The following ACP3 variants were observed in gnomAD, a reference collection of about 807,000 sequenced individuals.
The protein encoded by ACP3 is acid phosphatase 3.
ACP3 carries 38 observed loss-of-function variants against 45.6 expected under a neutral mutation model. The ratio of observed to expected loss-of-function variants is 0.83; its 90% CI spans 0.64 to 1.09. The LOEUF (loss-of-function observed/expected upper bound fraction) is 1.09, where lower values mean the gene tolerates loss of function less well. Ranked by LOEUF, ACP3 falls within the 50% of genes least tolerant of loss-of-function variation. The pLI is 0.00. For synonymous variants in ACP3, 162 were observed against 164.7 expected (o/e 0.98, Z 0.13); for missense variants, 466 against 463.2 (o/e 1.01, Z -0.05).
chr3:132,337,421 T>C (rs1275453498), intron 4 of ACP3, 35 bp from the exon 5 acceptor site: 1 of 1,404,844 alleles, frequency 7.1e-7, no homozygotes, highest in South Asian at 1.2e-5. Context: ...TTTTTCTGAC[T>C]CATAACAGTT....
chr3:132,322,182 A>G lies in ACP3; in HGVS notation c.120+4606A>G, dbSNP rs759371781. Among the ~76,000 whole-genome samples the G allele has an allele frequency of 2.0e-4, 31 of 152,272 alleles. 1 individual carries two copies. The Middle Eastern group carries it at 0.017, about 84-fold the overall frequency. On this transcript the variant is annotated intron_variant, in intron 1 of 9. Transcript: ENST00000336375. Reference sequence around the variant, plus strand: ...CCAGACCTTTTCTGATATATCACACATCTTCTACACAACATAATACACAGT... The same window carrying G: ...CCAGACCTTTTCTGATATATCACACGTCTTCTACACAACATAATACACAGT...
chr3:132,337,435 T>C (rs374109357), intron 4 of ACP3, 21 bp from the exon 5 acceptor site: 3 of 1,527,784 alleles, frequency 2.0e-6, no homozygotes, highest in African/African-American at 1.4e-5. Flanking sequence ...AACAGTTTTA[T>C]GATTTTTCTC....
At chr3:132,364,459 T>C (rs965048397) in intron 10 of ACP3, among the ~76,000 whole-genome samples, 1 of 152,244 alleles carries the variant, frequency 6.6e-6, no homozygotes, top group African/African-American at 2.4e-5. Context: ...GTCCTAAACA[T>C]GCCCTTGTGA....
chr3:132,351,574 A>G (rs1253108717), intron 8 of ACP3, among the ~76,000 whole-genome samples: 1 of 152,226 alleles, frequency 6.6e-6, no homozygotes, highest in East Asian at 1.9e-4. Flanking sequence ...GGTATAGACT[A>G]GGGAAATAGG....
intron 9 of ACP3, among the ~76,000 whole-genome samples, chr3:132,354,867 C>T (rs1439641327): frequency 1.3e-5 from 2 of 152,128 alleles, no homozygotes; most frequent in Admixed American, 6.5e-5. Flanking sequence ...ACTCTTTGTA[C>T]TCATCTTTGG....
At chr3:132,325,955 T>C (rs1293076742) in intron 1 of ACP3, among the ~76,000 whole-genome samples, 1 of 152,178 alleles carries the variant, frequency 6.6e-6, no homozygotes, top group Non-Finnish European at 1.5e-5. Context: ...CAGGACAAAG[T>C]GAGTGTTCAA....
rs747290939 is a variant in ACP3 at position 132,344,968 on chromosome 3, C to T, written c.690C>T (p.Asp230=). The change falls in exon 7 of 10, where the codon GAC becomes GAT. Residue 230 remains aspartate, a synonymous_variant. Coordinates refer to ENST00000336375, the MANE Select transcript of ACP3 (RefSeq NM_001099.5). The part of the protein sequence containing the change: ...NFTLPSWATE[D]TMTKLRELSE... ...CTTTACCCTCCTGGGCCACTGAGGA[C>T]ACCATGACTAAGTTGAGAGAATTGT... 3.1e-6 allele frequency: 5 copies of T among 1,613,896 alleles called. No homozygotes were observed. Among genetic ancestry groups the T allele is most frequent in the Admixed American group, 1.7e-5 (1 of 60,010 alleles).
intron 10 of ACP3, chr3:132,367,592 T>A: frequency 2.5e-6 from 2 of 801,810 alleles, no homozygotes; most frequent in Non-Finnish European, 4.2e-6. Context: ...CAAGGCCTCT[T>A]TAGCAACTCC....
chr3:132,347,685 T>C (rs1278971046), intron 7 of ACP3, among the ~76,000 whole-genome samples: 1 of 152,024 alleles, frequency 6.6e-6, no homozygotes, highest in Non-Finnish European at 1.5e-5. Context: ...GGTCTCCTTA[T>C]GTTGCCCAGG....
At chr3:132,332,153 C>T in intron 3 of ACP3, 39 bp from the exon 4 acceptor site, 1 of 1,613,284 alleles carries the variant, frequency 6.2e-7, no homozygotes. Context: ...ACCTCATGCT[C>T]CCTTTACGTT....
chr3:132,355,138 G>A (rs182641419), intron 9 of ACP3, among the ~76,000 whole-genome samples: 2 of 152,326 alleles, frequency 1.3e-5, no homozygotes, highest in Non-Finnish European at 2.9e-5. Context: ...TCACTTGCAG[G>A]CAGCTTGTAG....
intron 2 of ACP3, among the ~76,000 whole-genome samples, chr3:132,329,995 T>C (rs1176752584): frequency 6.8e-6 from 1 of 147,914 alleles, no homozygotes; most frequent in Non-Finnish European, 1.5e-5. Flanking sequence ...CTCAGCTCAC[T>C]GCAGCCTCTG....
chr3:132,348,348 C>G (rs1368434479), intron 7 of ACP3, among the ~76,000 whole-genome samples: 2 of 151,956 alleles, frequency 1.3e-5, no homozygotes, highest in Non-Finnish European at 2.9e-5. Flanking sequence ...GATTTAAAGC[C>G]CTCCTTCTCT....
chr3:132,319,150 G>A (rs954652326), intron 1 of ACP3, among the ~76,000 whole-genome samples: 3 of 152,136 alleles, frequency 2.0e-5, no homozygotes, highest in African/African-American at 7.2e-5. Flanking sequence ...GGTAGATGAA[G>A]GGCCATTTAA....
intron 7 of ACP3, 102 bp from the exon 8 acceptor site, chr3:132,349,818 C>A: frequency 8.1e-6 from 6 of 743,574 alleles, no homozygotes; most frequent in Non-Finnish European, 1.4e-5. Flanking sequence ...CTTCTTAAGT[C>A]ATGGCAGGGA....
At position 132,357,246 on chromosome 3, in the gene ACP3, AG is replaced by A. The variant is rs1937928467; in HGVS notation, c.*370del. 2.0e-6 allele frequency: 2 copies of A among 993,658 alleles called. No homozygotes were observed. The highest frequency in any genetic ancestry group is 2.4e-6 in the Non-Finnish European group (2 of 835,434). The allele number at this position is 993,658 out of a possible 1,614,324, so 61.6% of individuals were successfully genotyped here. A position where few individuals can be genotyped will look rare whatever the true frequency, so the allele number is the denominator to read the frequency against. ...GATTTTGCTTGAGCAGGATTAGATA[AG>A]GCTGTTCTTTAAATGTCTGAAATGG... On this transcript the variant is annotated 3_prime_UTR_variant, in exon 10 of 10. Transcript: ENST00000336375.
intron 1 of ACP3, among the ~76,000 whole-genome samples, chr3:132,319,158 T>G (rs971313650): frequency 2.6e-5 from 4 of 152,224 alleles, no homozygotes; most frequent in Non-Finnish European, 4.4e-5. Flanking sequence ...AAGGGCCATT[T>G]AATACATCTT....
At chr3:132,337,914 C>CT (rs377485603) in intron 5 of ACP3, among the ~76,000 whole-genome samples, 47 of 149,154 alleles carry the variant, frequency 3.2e-4, no homozygotes, top group Non-Finnish European at 4.9e-4. Flanking sequence ...AAAGGATAGT[C>CT]TTTTTTTTTT....
chr3:132,368,048 G>A, exon 11 of ACP3: 1 of 454,920 alleles, frequency 2.2e-6, no homozygotes, highest in African/African-American at 2.0e-5. Flanking sequence ...CAGGCTGCTT[G>A]TTCAGCTAGA....
Sources: gnomAD v4.1 joint callset for allele counts (sites outside exome capture counted in the v4.1 genomes callset) on GRCh38, gnomAD v4.1.1 for gene constraint, MANE v1.5 for transcripts, NCBI Gene and HGNC (gene_info 2026-07-23, HGNC 2026-07-21) for gene names.